The following SSH2 variants were observed in gnomAD, a reference collection of about 807,000 sequenced individuals.
The protein encoded by SSH2 is slingshot protein phosphatase 2, also known as protein phosphatase Slingshot homolog 2.
In SSH2, 37 loss-of-function variants were observed where a neutral mutation model predicts 135.2. The ratio of observed to expected loss-of-function variants is 0.27; its 90% confidence interval spans 0.21 to 0.36. The LOEUF (loss-of-function observed/expected upper bound fraction) is 0.36, where lower values mean the gene tolerates loss of function less well. Ranked by LOEUF, SSH2 falls within the 10% of genes least tolerant of loss-of-function variation. SSH2 has a pLI of 1.00. For missense variants in SSH2, 1,408 were observed against 1,765.3 expected (o/e 0.80, Z 3.63); for synonymous variants, 628 against 646.2 (o/e 0.97, Z 0.43).
chr17:29,840,079 TA>T (rs1444147072), intron 2 of SSH2, among the ~76,000 whole-genome samples: 1 of 152,188 alleles, frequency 6.6e-6, no homozygotes, highest in Non-Finnish European at 1.5e-5. Flanking sequence ...TCCCAAGCTA[TA>T]ATCTTAAAAA....
intron 1 of SSH2, among the ~76,000 whole-genome samples, chr17:29,866,629 A>C (rs1213539661): frequency 6.6e-6 from 1 of 152,240 alleles, no homozygotes; most frequent in African/African-American, 2.4e-5. Context: ...TAGACCTAGA[A>C]TATCAGGGCA....
At chr17:29,729,812 A>C (rs551643145) in intron 3 of SSH2, among the ~76,000 whole-genome samples, 1 of 152,062 alleles carries the variant, frequency 6.6e-6, no homozygotes, top group East Asian at 1.9e-4. Flanking sequence ...ATTCTCACTT[A>C]TTTGTGGGAG....
chr17:29,866,209 A>C (rs2151416113), intron 1 of SSH2: 1 of 151,184 alleles, frequency 6.6e-6, no homozygotes, highest in Middle Eastern at 3.4e-3. Flanking sequence ...AACAAGCAGT[A>C]CAAAGATCAT....
intron 3 of SSH2, among the ~76,000 whole-genome samples, chr17:29,718,495 G>C (rs2039703389): frequency 6.6e-6 from 1 of 152,090 alleles, no homozygotes. Context: ...CAGCTTAGCT[G>C]GATGGTTCTG....
chr17:29,892,015 T>A (rs2066358551), intron 1 of SSH2, among the ~76,000 whole-genome samples: 1 of 152,074 alleles, frequency 6.6e-6, no homozygotes, highest in African/African-American at 2.4e-5. Context: ...AATTCTAAAA[T>A]GCACAAATGA....
chr17:29,692,178 A>C (rs75542575), intron 5 of SSH2, among the ~76,000 whole-genome samples: 16 of 151,040 alleles, frequency 1.1e-4, no homozygotes, highest in Admixed American at 3.3e-4. Context: ...AAAAAAAAAA[A>C]ACAAGACTTT....
intron 5 of SSH2, among the ~76,000 whole-genome samples, chr17:29,686,676 T>C (rs2038237195): frequency 6.6e-6 from 1 of 150,414 alleles, no homozygotes; most frequent in African/African-American, 2.5e-5. Flanking sequence ...GCCTTTTCTT[T>C]TTGTTTTTTT....
intron 8 of SSH2, chr17:29,676,574 G>A: frequency 2.3e-6 from 1 of 442,800 alleles, no homozygotes; most frequent in Non-Finnish European, 4.1e-6. Context: ...AAACCGTTAA[G>A]TCTCTGCCAG....
At chr17:29,757,731 A>G (rs2041171916) in intron 3 of SSH2, among the ~76,000 whole-genome samples, 1 of 140,234 alleles carries the variant, frequency 7.1e-6, no homozygotes, top group South Asian at 2.4e-4. Flanking sequence ...TCTCTACAAA[A>G]AAAAAAAAAA....
intron 2 of SSH2, among the ~76,000 whole-genome samples, chr17:29,806,525 A>C (rs1435962519): frequency 1.3e-5 from 2 of 152,182 alleles, no homozygotes; most frequent in Non-Finnish European, 2.9e-5. Flanking sequence ...CTGAGCCCTC[A>C]ATATGGACAT....
At position 29,628,235 on chromosome 17, in the gene SSH2, T is replaced by C. The variant is rs574469103; in HGVS notation, c.*2606A>G. The C allele has an allele frequency of 3.9e-5, 6 of 152,226 alleles. No homozygotes were observed. The highest frequency in any genetic ancestry group is 1.3e-4 in the Admixed American group (2 of 15,278). The allele number at this position is 152,226 out of a possible 1,614,324, so 9.4% of individuals were successfully genotyped here. A position where few individuals can be genotyped will look rare whatever the true frequency, so the allele number is the denominator to read the frequency against. ...TGGCATGGTTGAATGACAGATATTC[T>C]GTAGAAGATGTTTATTTAGGCAGGT... On this transcript the variant is annotated 3_prime_UTR_variant, in exon 16 of 16. Coordinates refer to ENST00000540801, the MANE Select transcript of SSH2 (RefSeq NM_001282129.2).
At chr17:29,741,578 C>A (rs2040553951) in intron 3 of SSH2, among the ~76,000 whole-genome samples, 1 of 150,406 alleles carries the variant, frequency 6.6e-6, no homozygotes, top group Non-Finnish European at 1.5e-5. Flanking sequence ...AATAATGAGG[C>A]TGCAAAGCAA....
At chr17:29,736,815 A>AAAT (rs61704385) in intron 3 of SSH2, among the ~76,000 whole-genome samples, 1 of 117,266 alleles carries the variant, frequency 8.5e-6, no homozygotes, top group Non-Finnish European at 1.7e-5. Context: ...AAAAAAAAAA[A>AAAT]TGGGCCGGGC....
intron 1 of SSH2, among the ~76,000 whole-genome samples, chr17:29,901,040 A>G (rs1458158399): frequency 6.6e-6 from 1 of 152,132 alleles, no homozygotes; most frequent in Non-Finnish European, 1.5e-5. Flanking sequence ...CAAAAAACCA[A>G]ACACCGCATG....
intron 2 of SSH2, among the ~76,000 whole-genome samples, chr17:29,804,309 T>G (rs1452084763): frequency 1.3e-5 from 2 of 152,224 alleles, no homozygotes; most frequent in African/African-American, 4.8e-5. Flanking sequence ...TTCTCTAGTG[T>G]TTCTTTTAAA....
At chr17:29,648,081 G>A (rs1246676152) in intron 14 of SSH2, 63 bp downstream of exon 14, 4 of 1,456,382 alleles carry the variant, frequency 2.7e-6, no homozygotes, top group Non-Finnish European at 3.9e-6. Context: ...TACAGAGAAG[G>A]ACACTTCATC....
intron 5 of SSH2, among the ~76,000 whole-genome samples, chr17:29,693,287 C>G (rs762386741): frequency 6.6e-6 from 1 of 151,576 alleles, no homozygotes; most frequent in African/African-American, 2.4e-5. Flanking sequence ...GCATCCCCCC[C>G]GTTCCCTTTT....
chr17:29,852,357 A>G (rs1366395079), intron 1 of SSH2, among the ~76,000 whole-genome samples: 2 of 151,896 alleles, frequency 1.3e-5, no homozygotes, highest in Non-Finnish European at 2.9e-5. Context: ...CTTTATATAT[A>G]TATTCATCAA....
intron 2 of SSH2, among the ~76,000 whole-genome samples, chr17:29,822,289 T>A (rs2042667179): frequency 6.6e-6 from 1 of 152,190 alleles, no homozygotes; most frequent in African/African-American, 2.4e-5. Flanking sequence ...GAAAAGATAT[T>A]TCTAGATATG....
Sources: allele counts gnomAD v4.1 joint callset (sites outside exome capture counted in the v4.1 genomes callset), GRCh38; gene constraint gnomAD v4.1.1; transcripts MANE v1.5; gene names NCBI Gene and HGNC (gene_info 2026-07-23, HGNC 2026-07-21).